HS3ST4: variants seen among roughly 807,000 people sequenced by gnomAD.
HS3ST4 encodes the protein heparan sulfate-glucosamine 3-sulfotransferase 4.
A neutral mutation model predicts 29.2 loss-of-function variants in HS3ST4; 17 were observed. The observed-to-expected ratio is 0.58, with a 90% CI of 0.40 to 0.87. The LOEUF (loss-of-function observed/expected upper bound fraction) is 0.87. Among genes scored for constraint, HS3ST4 ranks in the 40% least tolerant of loss-of-function variants. The pLI is 0.00. For missense variants in HS3ST4, 627 were observed against 634.5 expected (o/e 0.99, Z 0.13); for synonymous variants, 314 against 285.7 (o/e 1.10, Z -1.00).
At chr16:26,124,718 C>T (rs1161763450) in intron 1 of HS3ST4, among the ~76,000 whole-genome samples, 2 of 152,184 alleles carry the variant, frequency 1.3e-5, no homozygotes, top group African/African-American at 4.8e-5. Context: ...GATCCAAGAA[C>T]ATAGCTGTGG....
At chr16:25,914,003 ATGTG>A (rs139256769) in intron 1 of HS3ST4, among the ~76,000 whole-genome samples, 1 of 120,974 alleles carries the variant, frequency 8.3e-6, no homozygotes, top group Non-Finnish European at 1.7e-5. Context: ...AGGGAGGTGT[ATGTG>A]TGTGTATGTG....
At chr16:26,106,089 G>A (rs4517803) in intron 1 of HS3ST4, among the ~76,000 whole-genome samples, 32,936 of 152,126 alleles carry the variant, frequency 0.22, 3,965 homozygotes, top group African/African-American at 0.3. Context: ...TAAGACCGTA[G>A]ACCCAGTTCT....
chr16:26,064,834 C>G (rs1427253342), intron 1 of HS3ST4, among the ~76,000 whole-genome samples: 4 of 151,984 alleles, frequency 2.6e-5, no homozygotes, highest in Non-Finnish European at 5.9e-5. Context: ...TCAGGCTGGT[C>G]TCGAACTCCC....
intron 1 of HS3ST4, among the ~76,000 whole-genome samples, chr16:25,924,907 C>T (rs1226783006): frequency 6.6e-6 from 1 of 152,134 alleles, no homozygotes; most frequent in Non-Finnish European, 1.5e-5. Context: ...TTGGGCTAGC[C>T]ACTCTCTGAC....
At chr16:25,785,733 A>T (rs1966856797) in intron 1 of HS3ST4, among the ~76,000 whole-genome samples, 1 of 152,174 alleles carries the variant, frequency 6.6e-6, no homozygotes, top group South Asian at 2.1e-4. Flanking sequence ...CAAAGCTGTG[A>T]TTAGAGGGAC....
intron 1 of HS3ST4, among the ~76,000 whole-genome samples, chr16:25,799,766 T>A (rs1254101551): frequency 6.6e-6 from 1 of 152,196 alleles, no homozygotes; most frequent in Non-Finnish European, 1.5e-5. Flanking sequence ...TTCTTAGAAT[T>A]CTGCCTGCCG....
chr16:26,053,010 A>G (rs987037480), intron 1 of HS3ST4, among the ~76,000 whole-genome samples: 3 of 152,226 alleles, frequency 2.0e-5, no homozygotes, highest in Non-Finnish European at 4.4e-5. Context: ...TATTGGAAAA[A>G]GTGAAGTAAA....
intron 1 of HS3ST4, among the ~76,000 whole-genome samples, chr16:25,715,076 A>T (rs1290600064): frequency 6.6e-6 from 1 of 152,034 alleles, no homozygotes; most frequent in Non-Finnish European, 1.5e-5. Flanking sequence ...TAATCCCAGC[A>T]CTTTGGGAGG....
chr16:25,896,603 A>G (rs548659925), intron 1 of HS3ST4, among the ~76,000 whole-genome samples: 3 of 152,294 alleles, frequency 2.0e-5, no homozygotes, highest in African/African-American at 7.2e-5. Context: ...CAAAGAACTG[A>G]GTTGAATTAT....
At chr16:26,134,896 A>G (rs949870959) in intron 1 of HS3ST4, among the ~76,000 whole-genome samples, 1 of 152,236 alleles carries the variant, frequency 6.6e-6, no homozygotes, top group African/African-American at 2.4e-5. Flanking sequence ...CTGTAAAAGC[A>G]GCCTAGATGA....
intron 1 of HS3ST4, among the ~76,000 whole-genome samples, chr16:25,798,966 C>T (rs1966906618): frequency 6.6e-6 from 1 of 152,158 alleles, no homozygotes; most frequent in Non-Finnish European, 1.5e-5. Context: ...CATGTTCTCT[C>T]TAATGGGCAA....
chr16:25,857,892 T>TTCTTTCTC (rs746061513), intron 1 of HS3ST4, among the ~76,000 whole-genome samples: 1 of 82,680 alleles, frequency 1.2e-5, no homozygotes, highest in African/African-American at 5.0e-5. Context: ...CTTTCTTTCT[T>TTCTTTCTC]TTTCTTTCTT....
intron 1 of HS3ST4, among the ~76,000 whole-genome samples, chr16:26,105,603 C>G (rs1361481216): frequency 6.6e-6 from 1 of 152,232 alleles, no homozygotes; most frequent in African/African-American, 2.4e-5. Context: ...GGTAAAATCT[C>G]AAGTTCTTAA....
chr16:25,822,846 T>C (rs1224290886), intron 1 of HS3ST4, among the ~76,000 whole-genome samples: 2 of 152,098 alleles, frequency 1.3e-5, no homozygotes, highest in African/African-American at 4.8e-5. Flanking sequence ...CAAGTGGTTC[T>C]CCTGCCTCAG....
chr16:25,744,553 T>TATC (rs34486910), intron 1 of HS3ST4, among the ~76,000 whole-genome samples: 64,026 of 151,368 alleles, frequency 0.42, 15,741 homozygotes, highest in Non-Finnish European at 0.56. Context: ...GTCATTTTTC[T>TATC]ATCATCATCA....
intron 1 of HS3ST4, among the ~76,000 whole-genome samples, chr16:25,927,719 G>A (rs111936686): frequency 0.077 from 11,612 of 150,924 alleles, 553 homozygotes; most frequent in South Asian, 0.097. Flanking sequence ...CCGATTTTTC[G>A]GATTTATAAA....
At chr16:26,120,523 C>T (rs1022957880) in intron 1 of HS3ST4, among the ~76,000 whole-genome samples, 12 of 152,208 alleles carry the variant, frequency 7.9e-5, no homozygotes, top group African/African-American at 2.7e-4. Context: ...ATTTACTCAG[C>T]AGAAAGCACA....
At chr16:25,984,138 C>T (rs1348718590) in intron 1 of HS3ST4, among the ~76,000 whole-genome samples, 1 of 152,116 alleles carries the variant, frequency 6.6e-6, no homozygotes, top group Admixed American at 6.5e-5. Context: ...CTGTAGTAGT[C>T]ATCCTGCAGT....
At chr16:25,976,132 G>A (rs951936370) in intron 1 of HS3ST4, among the ~76,000 whole-genome samples, 1 of 152,170 alleles carries the variant, frequency 6.6e-6, no homozygotes, top group African/African-American at 2.4e-5. Flanking sequence ...CAACAGCAAT[G>A]AATTTTAAAC....
Sources: allele counts gnomAD v4.1 joint callset (sites outside exome capture counted in the v4.1 genomes callset), GRCh38; gene constraint gnomAD v4.1.1; transcripts MANE v1.5; gene names NCBI Gene and HGNC (gene_info 2026-07-23, HGNC 2026-07-21).